Variants in MLLT6 observed in about 807,000 individuals in gnomAD.
MLLT6 encodes the protein protein AF-17.
MLLT6 carries 22 observed loss-of-function variants against 103.0 expected under a neutral mutation model. That is an observed-to-expected ratio of 0.21 (90% CI 0.15 to 0.31). The LOEUF is 0.31. Ranked by LOEUF, MLLT6 falls within the 10% of genes least tolerant of loss-of-function variation. The pLI is 1.00. For missense variants in MLLT6, 1,199 were observed against 1,441.7 expected (o/e 0.83, Z 2.73); for synonymous variants, 606 against 623.5 (o/e 0.97, Z 0.42).
intron 8 of MLLT6, chr17:38,713,252 GC>G: frequency 2.2e-6 from 1 of 460,184 alleles, no homozygotes; most frequent in Non-Finnish European, 3.8e-6. Context: ...TGGGGGGCAG[GC>G]CCCTGGACAG....
In MLLT6 at chr17:38,724,454, G is replaced by T; in HGVS notation, c.2884-166G>T. ...AACCATTTTCTTGTCTAGATGGGGA[G>T]ACCCAGGCTAAGTGGGAAATGCGAG... is the stretch of plus-strand genomic sequence containing the variant. On this transcript the variant is annotated intron_variant, in intron 18 of 19. Coordinates refer to ENST00000621332, the MANE Select transcript of MLLT6 (RefSeq NM_005937.4). This position sits in a 1 kb window ranked among gnomAD's most constrained non-coding sequence, Gnocchi z 5.4. 1.8e-6 allele frequency: 1 copy of T among 566,378 alleles called. No homozygotes were observed. The highest frequency in any genetic ancestry group is 2.4e-5 in the South Asian group (1 of 41,156). 35.1% of individuals were successfully genotyped at this position (566,378 alleles called of 1,614,324 possible).
chr17:38,709,219 C>G lies in MLLT6; in HGVS notation c.401C>G (p.Ser134Trp), dbSNP rs754241733. The change falls in exon 5 of 20, where the codon TCG becomes TGG. Residue 134 changes from serine (S) to tryptophan (W), a missense_variant. Around this residue, in one of 7 missense-constraint regions of MLLT6, gnomAD observed 59 missense variants for 135.1 expected, o/e 0.44. Transcript: ENST00000621332. This position sits in a 1 kb window ranked among gnomAD's most constrained non-coding sequence, Gnocchi z 4.3. ...CAGGGCCGGGAGAGCAAGGCGGCCT[C>G]GGGAGCCTGCATGACCTGTAACCGC... is the stretch of plus-strand genomic sequence containing the variant. ...EEQGRESKAA[S>W]GACMTCNRHG... is the part of the protein sequence containing the mutation. The G allele has an allele frequency of 6.2e-7, 1 of 1,612,852 alleles. No individual in the cohort carries two copies. The highest frequency in any genetic ancestry group is 8.5e-7 in the Non-Finnish European group (1 of 1,179,564).
intron 7 of MLLT6, 177 bp downstream of exon 7, chr17:38,712,191 G>T: frequency 4.5e-6 from 4 of 883,232 alleles, no homozygotes; most frequent in Non-Finnish European, 5.4e-6. Context: ...TGAGGCGGGA[G>T]CTTGGCTTCC....
In MLLT6 at chr17:38,719,811, G is replaced by A. The variant is rs545000290; in HGVS notation, c.2071G>A (p.Gly691Ser). The change falls in exon 14 of 20, where the codon GGC (glycine) becomes AGC (serine). Residue 691 changes from glycine to serine, a missense_variant. Gly to Ser is a moderately conservative substitution (Grantham distance 56). Coordinates refer to ENST00000621332, the MANE Select transcript of MLLT6 (RefSeq NM_005937.4). ...DQTASAPCGG[G>S]QLDPAAPGTT... is the part of the protein sequence containing the mutation. The stretch of plus-strand genomic sequence containing the variant: ...GACAGCCTCTGCACCCTGTGGGGGC[G>A]GCCAGTTAGACCCGGCGGCCCCAGG... 7.1e-5 allele frequency: 114 copies of A among 1,613,362 alleles called. 4 individuals are homozygous for A. The South Asian group carries it at 1.1e-3, about 15-fold the overall frequency.
At position 38,709,884 on chromosome 17, in the gene MLLT6, A is replaced by G. The variant is rs1905085460; in HGVS notation, c.552+309A>G. Among the ~76,000 whole-genome samples the G allele has an allele frequency of 6.6e-6, 1 of 152,316 alleles. No individual in the cohort carries two copies. The highest frequency in any genetic ancestry group is 2.1e-4 in the South Asian group (1 of 4,826). ...GGTGGAAATCAAAGTAAGAGCCAAC[A>G]TTTGTGTGGGAGGCAGCATTTACTA... is the stretch of plus-strand genomic sequence containing the variant. On this transcript the variant is annotated intron_variant, in intron 6 of 19. Coordinates refer to ENST00000621332, the MANE Select transcript of MLLT6 (RefSeq NM_005937.4). The surrounding 1 kb of genome is among the most constrained non-coding windows in gnomAD (Gnocchi z 4.3).
chr17:38,715,787 C>T lies in MLLT6; in HGVS notation c.995C>T (p.Ser332Phe), dbSNP rs1905313672. Residue 332 changes from serine (S) to phenylalanine (F), a missense_variant, in exon 9 of 20, where the codon TCC (serine) becomes TTC (phenylalanine). This residue lies in a region of MLLT6 where 1,034 missense variants were observed against 1,091.5 expected (regional missense o/e 0.95). Coordinates refer to ENST00000621332, the MANE Select transcript of MLLT6 (RefSeq NM_005937.4). Reference sequence around the variant, plus strand: ...TTTACCTCCGCCTCCTCTTCTTCCTCCTCCTCTTCCTCCTCCTCTGGGGGG... The same window carrying T: ...TTTACCTCCGCCTCCTCTTCTTCCTTCTCCTCTTCCTCCTCCTCTGGGGGG... Reference protein sequence around the residue: ...SSFTSASSSSSSSSSSSGGPF... With the variant: ...SSFTSASSSSFSSSSSSGGPF... 6.2e-7 allele frequency: 1 copy of T among 1,607,760 alleles called. No homozygotes were observed. Among genetic ancestry groups the T allele is most frequent in the Non-Finnish European group, 8.5e-7 (1 of 1,176,778 alleles).
rs1232393759 is a variant in MLLT6 at position 38,727,099 on chromosome 17, C to CTG, written c.*1509_*1510dup. 4.4e-6 allele frequency: 1 copy of CTG among 227,488 alleles called. No homozygotes were observed. Among genetic ancestry groups the CTG allele is most frequent in the East Asian group, 6.1e-5 (1 of 16,338 alleles). 14.1% of individuals were successfully genotyped at this position (227,488 alleles called of 1,614,324 possible). A position where few individuals can be genotyped will look rare whatever the true frequency, so the allele number is the denominator to read the frequency against. On this transcript the variant is annotated 3_prime_UTR_variant, in exon 20 of 20. Coordinates refer to ENST00000621332, the MANE Select transcript of MLLT6 (RefSeq NM_005937.4). ...AGTCTCTTTGCATGTGTGGATTTTT[C>CTG]TGTGTGTGTTTCTGTTTGGGTTTTT... is the stretch of plus-strand genomic sequence containing the variant.
chr17:38,717,690 G>A, intron 11 of MLLT6, 77 bp downstream of exon 11: 1 of 1,527,874 alleles, frequency 6.5e-7, no homozygotes, highest in Non-Finnish European at 9.0e-7. Context: ...GCCTTCCATG[G>A]GAATTGGAGC....
chr17:38,712,822 G>T (rs377479678), intron 8 of MLLT6, 33 bp downstream of exon 8: 1 of 1,538,218 alleles, frequency 6.5e-7, no homozygotes, highest in Admixed American at 1.7e-5. Flanking sequence ...GGGATGGTGT[G>T]TGGGTCTGGG....
At chr17:38,715,935 C>T (rs745909207) in intron 9 of MLLT6, 107 bp downstream of exon 9, 1 of 1,005,046 alleles carries the variant, frequency 9.9e-7, no homozygotes, top group Non-Finnish European at 1.5e-6. Context: ...TTTACTTCTC[C>T]ATTGGTTCAG....
Position 38,716,103 on chromosome 17 carries a change from C to T in MLLT6, c.1037-264C>T. On this transcript the variant is annotated intron_variant, in intron 9 of 19. Transcript: ENST00000621332. The surrounding 1 kb of genome is among the most constrained non-coding windows in gnomAD (Gnocchi z 5.6). ...CTGCAAGGTACAATTTTTCAAGAAC[C>T]CCCATTAACATTTTCTCCTATAATC... The T allele has an allele frequency of 3.3e-6, 2 of 598,232 alleles. No individual in the cohort carries two copies. The highest frequency in any genetic ancestry group is 5.9e-6 in the Non-Finnish European group (2 of 340,834). 37.1% of individuals were successfully genotyped at this position (598,232 alleles called of 1,614,324 possible). A position where few individuals can be genotyped will look rare whatever the true frequency, so the allele number is the denominator to read the frequency against.
rs780686588 is a variant in MLLT6 at position 38,706,977 on chromosome 17, C to T, written c.137C>T (p.Thr46Met). The T allele has an allele frequency of 6.2e-7, 1 of 1,612,054 alleles. No individual in the cohort carries two copies. The highest frequency in any genetic ancestry group is 1.1e-5 in the South Asian group (1 of 91,000). The change falls in exon 2 of 20, where the codon ACG becomes ATG. Residue 46 changes from threonine to methionine, a missense_variant. Coordinates refer to ENST00000621332, the MANE Select transcript of MLLT6 (RefSeq NM_005937.4). ...QACYGIVQVP[T>M]GPWFCRKCES... is the part of the protein sequence containing the mutation. ...TGCTATGGCATCGTTCAGGTGCCAA[C>T]GGGACCCTGGTTCTGCCGGAAATGT...
intron 8 of MLLT6, chr17:38,713,451 G>C (rs1401740024): frequency 2.3e-5 from 5 of 213,488 alleles, no homozygotes; most frequent in Non-Finnish European, 4.6e-5. Flanking sequence ...GGAGAACCTG[G>C]TAGGGTGGGG....
At chr17:38,725,387 C>T in intron 19 of MLLT6, 170 bp from the exon 20 acceptor site, 3 of 626,570 alleles carry the variant, frequency 4.8e-6, no homozygotes, top group Admixed American at 6.5e-5. Flanking sequence ...GGTGGTTTCA[C>T]ACCCCTGCGC....
Position 38,709,152 on chromosome 17 carries a change from C to A in MLLT6, c.355-21C>A. On this transcript the variant is annotated intron_variant, in intron 4 of 19. Coordinates refer to ENST00000621332, the MANE Select transcript of MLLT6 (RefSeq NM_005937.4). The surrounding 1 kb of genome is among the most constrained non-coding windows in gnomAD (Gnocchi z 4.3). ...AACAGGGGCTCCCTGGAGGAGGGGA[C>A]GATTGCGCTGTGTCCTGCAGACCTG... The A allele has an allele frequency of 6.3e-7, 1 of 1,595,384 alleles. No homozygotes were observed. The highest frequency in any genetic ancestry group is 8.6e-7 in the Non-Finnish European group (1 of 1,169,368).
chr17:38,722,977 G>A (rs1905843985), intron 18 of MLLT6, among the ~76,000 whole-genome samples: 2 of 152,112 alleles, frequency 1.3e-5, no homozygotes, highest in African/African-American at 4.8e-5. Context: ...TGGGCATTGA[G>A]AAAGGGCTGC....
chr17:38,724,451 G>C lies in MLLT6; in HGVS notation c.2884-169G>C. ...TGCAACCATTTTCTTGTCTAGATGG[G>C]GAGACCCAGGCTAAGTGGGAAATGC... On this transcript the variant is annotated intron_variant, in intron 18 of 19. Transcript: ENST00000621332. This position sits in a 1 kb window ranked among gnomAD's most constrained non-coding sequence, Gnocchi z 5.4. 1.8e-6 allele frequency: 1 copy of C among 560,200 alleles called. No individual in the cohort carries two copies. 34.7% of individuals were successfully genotyped at this position (560,200 alleles called of 1,614,324 possible). A position where few individuals can be genotyped will look rare whatever the true frequency, so the allele number is the denominator to read the frequency against.
At position 38,719,875 on chromosome 17, in the gene MLLT6, A is replaced by G; in HGVS notation, c.2135A>G (p.Asp712Gly). The G allele has an allele frequency of 6.3e-7, 1 of 1,595,924 alleles. No homozygotes were observed. Among genetic ancestry groups the G allele is most frequent in the Non-Finnish European group, 8.5e-7 (1 of 1,172,032 alleles). The part of the protein sequence containing the change: ...NMEQLLEKQG[D>G]GEAGVNIVEM... ...GAGCAGCTTCTGGAGAAGCAGGGCG[A>G]CGGGGAGGCCGGCGTCAACAGTGAG... The change falls in exon 14 of 20, where the codon GAC becomes GGC. Residue 712 changes from aspartate (D) to glycine (G), a missense_variant. By Grantham distance (94) the Asp-to-Gly change is moderately conservative (BLOSUM62 -1). Around this residue, in one of 7 missense-constraint regions of MLLT6, gnomAD observed 1,034 missense variants for 1,091.5 expected, o/e 0.95. Transcript: ENST00000621332.
chr17:38,719,232 C>T (rs1468698464), intron 12 of MLLT6: 2 of 489,482 alleles, frequency 4.1e-6, no homozygotes, highest in African/African-American at 4.0e-5. Context: ...ATTTCTATAA[C>T]TCTGAAGATC....
Sources: allele counts gnomAD v4.1 joint callset (sites outside exome capture counted in the v4.1 genomes callset), GRCh38; gene constraint gnomAD v4.1.1; regional missense constraint gnomAD v4.1.1; non-coding constraint Gnocchi (gnomAD v3.1); transcripts MANE v1.5; gene names NCBI Gene and HGNC (gene_info 2026-07-23, HGNC 2026-07-21).